Variants in ATOSA observed in about 807,000 individuals in gnomAD.
ATOSA encodes the protein atos homolog protein A.
At chr15:52,592,527 T>C in the ATOSA span, among the ~76,000 whole-genome samples, 1 of 152,176 alleles carries the variant, frequency 6.6e-6, no homozygotes, top group Non-Finnish European at 1.5e-5. Flanking sequence ...AAAGGTGAAA[T>C]CATAAGATTG....
At chr15:52,590,550 G>A in the ATOSA span, 2 of 152,170 alleles carry the variant, frequency 1.3e-5, no homozygotes, top group African/African-American at 4.8e-5. Context: ...TCTGTGATAA[G>A]AGGTCCCAAA....
chr15:52,634,044 T>C, the ATOSA span, among the ~76,000 whole-genome samples: 5 of 151,906 alleles, frequency 3.3e-5, no homozygotes, highest in African/African-American at 1.2e-4. Context: ...AAGTAACTAG[T>C]AGTAAAAAAC....
chr15:52,641,125 C>G, the ATOSA span, among the ~76,000 whole-genome samples: 1 of 152,220 alleles, frequency 6.6e-6, no homozygotes, highest in African/African-American at 2.4e-5. Flanking sequence ...TTTATAAGAA[C>G]TGCATTCGTA....
chr15:52,627,395 G>C, the ATOSA span, among the ~76,000 whole-genome samples: 25 of 152,054 alleles, frequency 1.6e-4, no homozygotes, highest in Non-Finnish European at 3.4e-4. Context: ...TTAGTACAGG[G>C]GCCAGGTCTA....
the ATOSA span, among the ~76,000 whole-genome samples, chr15:52,688,670 G>A: frequency 2.0e-5 from 3 of 152,310 alleles, no homozygotes; most frequent in African/African-American, 7.2e-5. Flanking sequence ...ATTCTGCTCT[G>A]GGACTTCAGG....
chr15:52,587,287 T>C, the ATOSA span: 15 of 1,270,034 alleles, frequency 1.2e-5, no homozygotes, highest in South Asian at 1.6e-4. Context: ...AAAATAAGAA[T>C]AACTCATGTA....
At chr15:52,695,750 T>G in the ATOSA span, among the ~76,000 whole-genome samples, 1 of 152,018 alleles carries the variant, frequency 6.6e-6, no homozygotes, top group Non-Finnish European at 1.5e-5. Context: ...GTTGTCAGGG[T>G]AGGCGTCATT....
the ATOSA span, among the ~76,000 whole-genome samples, chr15:52,630,328 G>T: frequency 1.3e-5 from 2 of 151,980 alleles, no homozygotes; most frequent in Admixed American, 6.6e-5. Context: ...CTACACCAAA[G>T]GCACCACAGA....
the ATOSA span, among the ~76,000 whole-genome samples, chr15:52,680,265 G>C: frequency 6.6e-6 from 1 of 152,040 alleles, no homozygotes; most frequent in South Asian, 2.1e-4. Context: ...CCTAACAAGC[G>C]CTGCAGCTAT....
chr15:52,687,748 G>GT, the ATOSA span, among the ~76,000 whole-genome samples: 3 of 152,062 alleles, frequency 2.0e-5, no homozygotes, highest in East Asian at 1.9e-4. Context: ...GTTTGTTTTT[G>GT]TTTTTTGCCG....
chr15:52,695,986 G>A, the ATOSA span, among the ~76,000 whole-genome samples: 1 of 151,912 alleles, frequency 6.6e-6, no homozygotes. Flanking sequence ...GGCTGGAGAG[G>A]GGATAGAGGC....
chr15:52,608,983 C>T, the ATOSA span: 10 of 1,612,380 alleles, frequency 6.2e-6, no homozygotes, highest in Middle Eastern at 1.7e-4. Flanking sequence ...AATAGTGGTG[C>T]AATTTGAATA....
chr15:52,609,662 C>T, the ATOSA span: 25 of 1,613,382 alleles, frequency 1.5e-5, no homozygotes, highest in African/African-American at 1.2e-4. Context: ...CCTTTTCCCA[C>T]GTTCTCATTT....
At chr15:52,622,964 A>C in the ATOSA span, among the ~76,000 whole-genome samples, 1 of 1,998 alleles carries the variant, frequency 5.0e-4, no homozygotes, top group Non-Finnish European at 9.4e-4. Flanking sequence ...CCCTATTATA[A>C]ATAAATAAAT....
At chr15:52,614,343 T>C in the ATOSA span, among the ~76,000 whole-genome samples, 1 of 151,258 alleles carries the variant, frequency 6.6e-6, no homozygotes, top group Non-Finnish European at 1.5e-5. Flanking sequence ...TGACCTCCGG[T>C]GATCCACCCG....
At chr15:52,704,711 G>C in the ATOSA span, among the ~76,000 whole-genome samples, 2 of 152,052 alleles carry the variant, frequency 1.3e-5, no homozygotes, top group African/African-American at 2.4e-5. Context: ...TGAACAGACA[G>C]TTCTCAAAAG....
At chr15:52,671,009 CAATTTGA>C in the ATOSA span, among the ~76,000 whole-genome samples, 4 of 151,960 alleles carry the variant, frequency 2.6e-5, no homozygotes, top group African/African-American at 9.7e-5. Flanking sequence ...TGAGGTTTAC[CAATTTGA>C]ACATACAGAC....
chr15:52,677,912 T>C, the ATOSA span: 3 of 1,480,824 alleles, frequency 2.0e-6, no homozygotes, highest in South Asian at 1.1e-5. Flanking sequence ...ACAGAAATAG[T>C]TGATCCTACT....
chr15:52,590,391 T>C, the ATOSA span, among the ~76,000 whole-genome samples: 5 of 152,218 alleles, frequency 3.3e-5, no homozygotes, highest in Non-Finnish European at 5.9e-5. Flanking sequence ...AGAACATTTT[T>C]ACCACTGACT....
Sources: gnomAD v4.1 joint callset for allele counts (sites outside exome capture counted in the v4.1 genomes callset) on GRCh38, gnomAD v4.1.1 for gene constraint, MANE v1.5 for transcripts, NCBI Gene and HGNC (gene_info 2026-07-23, HGNC 2026-07-21) for gene names.